Variants in FBXL7 observed in about 807,000 individuals in gnomAD.
FBXL7 encodes the protein F-box and leucine rich repeat protein 7.
In FBXL7, 12 loss-of-function variants were observed where a neutral mutation model predicts 38.3. That is an observed-to-expected ratio of 0.31 (90% CI 0.20 to 0.51). The LOEUF (loss-of-function observed/expected upper bound fraction) is 0.51, where lower values mean the gene tolerates loss of function less well. Ranked by LOEUF, FBXL7 falls within the 20% of genes least tolerant of loss-of-function variation. FBXL7 has a pLI of 0.98. For synonymous variants in FBXL7, 297 were observed against 300.9 expected (o/e 0.99, Z 0.13); for missense variants, 567 against 676.4 (o/e 0.84, Z 1.79).
intron 2 of FBXL7, among the ~76,000 whole-genome samples, chr5:15,657,781 T>C (rs1419807392): frequency 6.6e-6 from 1 of 151,548 alleles, no homozygotes; most frequent in Admixed American, 6.6e-5. Context: ...AAGTTTGTAG[T>C]GAGCCGAGAT....
chr5:15,561,141 T>G (rs1738404462), intron 1 of FBXL7, among the ~76,000 whole-genome samples: 1 of 152,176 alleles, frequency 6.6e-6, no homozygotes. Flanking sequence ...ACAATATTAT[T>G]AACTGTAGTC....
chr5:15,927,323 G>A (rs1741900930), intron 2 of FBXL7, among the ~76,000 whole-genome samples: 1 of 152,138 alleles, frequency 6.6e-6, no homozygotes, highest in South Asian at 2.1e-4. Flanking sequence ...TTGCAGTCTG[G>A]TCACTCCTGG....
chr5:15,677,763 C>T (rs1368251973), intron 2 of FBXL7, among the ~76,000 whole-genome samples: 3 of 152,144 alleles, frequency 2.0e-5, no homozygotes, highest in African/African-American at 7.2e-5. Flanking sequence ...TATTTAGTTT[C>T]TGAACCACCA....
chr5:15,575,601 T>C (rs2126459251), intron 1 of FBXL7, among the ~76,000 whole-genome samples: 1 of 152,334 alleles, frequency 6.6e-6, no homozygotes, highest in Non-Finnish European at 1.5e-5. Context: ...TAAGTGAGTG[T>C]TCCTTTACTT....
chr5:15,842,096 C>T (rs1738764777), intron 2 of FBXL7, among the ~76,000 whole-genome samples: 1 of 152,194 alleles, frequency 6.6e-6, no homozygotes, highest in Non-Finnish European at 1.5e-5. Context: ...ACAGCTTGCA[C>T]CGTGTGCCTG....
chr5:15,636,009 A>T (rs1411838903), intron 2 of FBXL7, among the ~76,000 whole-genome samples: 1 of 151,850 alleles, frequency 6.6e-6, no homozygotes, highest in Non-Finnish European at 1.5e-5. Flanking sequence ...CAAGGTTAGT[A>T]GAGAATTTGA....
chr5:15,627,203 G>A (rs1409323014), intron 2 of FBXL7, among the ~76,000 whole-genome samples: 1 of 152,142 alleles, frequency 6.6e-6, no homozygotes, highest in Non-Finnish European at 1.5e-5. Flanking sequence ...CAGAACTGTA[G>A]CAATTACTGG....
chr5:15,772,499 C>T (rs956924407), intron 2 of FBXL7, among the ~76,000 whole-genome samples: 1 of 152,158 alleles, frequency 6.6e-6, no homozygotes, highest in Non-Finnish European at 1.5e-5. Context: ...CTGAAAGGCA[C>T]CATTGAAATA....
intron 2 of FBXL7, among the ~76,000 whole-genome samples, chr5:15,712,533 A>G (rs766722544): frequency 2.8e-4 from 42 of 152,240 alleles, no homozygotes; most frequent in Admixed American, 9.2e-4. Context: ...AATATTATCA[A>G]TCTGTTACTG....
intron 2 of FBXL7, among the ~76,000 whole-genome samples, chr5:15,760,766 G>A (rs1045091539): frequency 6.6e-6 from 1 of 152,154 alleles, no homozygotes; most frequent in African/African-American, 2.4e-5. Context: ...AACTGGTGGA[G>A]GGAATAGGAT....
intron 1 of FBXL7, among the ~76,000 whole-genome samples, chr5:15,517,489 C>T (rs1303305776): frequency 6.6e-6 from 1 of 152,032 alleles, no homozygotes; most frequent in Non-Finnish European, 1.5e-5. Flanking sequence ...GCTGGGAAGG[C>T]AGTGGGGGAA....
chr5:15,749,244 CAAAAAAAAAA>C (rs70938027), intron 2 of FBXL7, among the ~76,000 whole-genome samples: 1 of 70,102 alleles, frequency 1.4e-5, no homozygotes, highest in East Asian at 4.8e-4. Flanking sequence ...GACTCTGTCT[CAAAAAAAAAA>C]AAAAAAAAAA....
rs1736389512 is a variant in FBXL7, at chr5:15,759,628, C to T, written c.127+143556C>T. 1.3e-5 allele frequency among the ~76,000 whole-genome samples: 2 copies of T among 152,196 alleles called. 1 individual carries two copies. Among genetic ancestry groups the T allele is most frequent in the Admixed American group, 1.3e-4 (2 of 15,262 alleles). On this transcript the variant is annotated intron_variant, in intron 2 of 3. Coordinates refer to ENST00000504595, the MANE Select transcript of FBXL7 (RefSeq NM_012304.5). ...AATGTAAATTATCTATTAAGACCCA[C>T]AATCATTTGTGAGATGTTTATATTG...
chr5:15,922,437 G>A (rs142294826), intron 2 of FBXL7, among the ~76,000 whole-genome samples: 2 of 152,290 alleles, frequency 1.3e-5, no homozygotes, highest in African/African-American at 4.8e-5. Context: ...CAGGGATGCT[G>A]TGGGTGATAT....
chr5:15,582,925 C>A (rs1410660131), intron 1 of FBXL7, among the ~76,000 whole-genome samples: 1 of 149,066 alleles, frequency 6.7e-6, no homozygotes, highest in African/African-American at 2.5e-5. Flanking sequence ...TAATCCTCTC[C>A]TTGGCTCATG....
intron 2 of FBXL7, among the ~76,000 whole-genome samples, chr5:15,683,812 G>A (rs552534482): frequency 6.6e-6 from 1 of 152,252 alleles, no homozygotes; most frequent in Admixed American, 6.5e-5. Flanking sequence ...TGATATTTCT[G>A]TGGTTCATAG....
chr5:15,913,519 A>G (rs1280381422), intron 2 of FBXL7, among the ~76,000 whole-genome samples: 3 of 152,116 alleles, frequency 2.0e-5, no homozygotes, highest in Non-Finnish European at 2.9e-5. Context: ...GAGCTAGACT[A>G]TTGCTCCCTG....
At chr5:15,593,272 C>A (rs1009297871) in intron 1 of FBXL7, among the ~76,000 whole-genome samples, 5 of 151,980 alleles carry the variant, frequency 3.3e-5, no homozygotes, top group African/African-American at 1.2e-4. Flanking sequence ...ACCTATAATC[C>A]CAACACTTTG....
At chr5:15,775,166 C>T (rs556203015) in intron 2 of FBXL7, among the ~76,000 whole-genome samples, 5 of 152,130 alleles carry the variant, frequency 3.3e-5, no homozygotes, top group Admixed American at 2.0e-4. Flanking sequence ...GATGTGCAAC[C>T]AAAACACAAG....
Sources: gnomAD v4.1 joint callset for allele counts (sites outside exome capture counted in the v4.1 genomes callset) on GRCh38, gnomAD v4.1.1 for gene constraint, MANE v1.5 for transcripts, NCBI Gene and HGNC (gene_info 2026-07-23, HGNC 2026-07-21) for gene names.